Variants in PKHD1 observed in about 807,000 individuals in gnomAD.
The protein encoded by PKHD1 is fibrocystin.
A neutral mutation model predicts 412.0 loss-of-function variants in PKHD1; 291 were observed. The ratio of observed to expected loss-of-function variants is 0.71; its 90% CI spans 0.64 to 0.78. The LOEUF (loss-of-function observed/expected upper bound fraction) is 0.78, where lower values mean the gene tolerates loss of function less well. Among genes scored for constraint, PKHD1 ranks in the 30% least tolerant of loss-of-function variants. The pLI is 0.00. For missense variants in PKHD1, 4,825 were observed against 4,950.7 expected (o/e 0.97, Z 0.76); for synonymous variants, 1,777 against 1,821.5 (o/e 0.98, Z 0.62).
chr6:51,967,909 G>A (rs1188781533), intron 35 of PKHD1, among the ~76,000 whole-genome samples: 1 of 152,170 alleles, frequency 6.6e-6, no homozygotes, highest in Non-Finnish European at 1.5e-5. Context: ...GACCCATGAC[G>A]GCACTGCCTT....
intron 60 of PKHD1, chr6:51,721,264 T>C (rs1781893085): frequency 6.3e-6 from 6 of 948,640 alleles, no homozygotes; most frequent in Non-Finnish European, 7.5e-6. Flanking sequence ...CCAATATTCT[T>C]GGTAATAAAC....
At chr6:51,772,567 G>A (rs781230131) in intron 55 of PKHD1, 135 bp downstream of exon 55, 10 of 531,594 alleles carry the variant, frequency 1.9e-5, no homozygotes, top group Admixed American at 3.3e-5. Flanking sequence ...CCCTATAATC[G>A]CTTATTTTTC....
intron 43 of PKHD1, among the ~76,000 whole-genome samples, chr6:51,890,941 T>G (rs1408027469): frequency 2.6e-5 from 4 of 152,218 alleles, no homozygotes; most frequent in Non-Finnish European, 5.9e-5. Context: ...TGAGATTATC[T>G]GCAGTTGTCA....
At chr6:51,641,672 G>GA (rs1769371815) in intron 63 of PKHD1, among the ~76,000 whole-genome samples, 1 of 152,176 alleles carries the variant, frequency 6.6e-6, no homozygotes, top group Non-Finnish European at 1.5e-5. Flanking sequence ...ACTGGATAAA[G>GA]AAAATGTGGC....
At chr6:51,860,399 A>AT (rs1773996501) in intron 48 of PKHD1, among the ~76,000 whole-genome samples, 2 of 152,202 alleles carry the variant, frequency 1.3e-5, no homozygotes, top group Admixed American at 1.3e-4. Context: ...AGTCCAAAAA[A>AT]CACCATGAAG....
chr6:51,747,707 A>G, intron 58 of PKHD1, 80 bp downstream of exon 58: 1 of 1,265,796 alleles, frequency 7.9e-7, no homozygotes, highest in Non-Finnish European at 1.2e-6. Context: ...CTTTTTGTTG[A>G]TAAAATTTCA....
At chr6:51,936,795 TGTA>T (rs1168242640) in intron 36 of PKHD1, among the ~76,000 whole-genome samples, 1 of 14,340 alleles carries the variant, frequency 7.0e-5, no homozygotes, top group Non-Finnish European at 1.2e-4. Context: ...AAATAGACTC[TGTA>T]GCAATAAGAC....
At chr6:51,695,418 G>C (rs1020013474) in intron 60 of PKHD1, among the ~76,000 whole-genome samples, 1 of 152,100 alleles carries the variant, frequency 6.6e-6, no homozygotes, top group Admixed American at 6.6e-5. Context: ...CAGAGAAGAA[G>C]AAGAAAAATG....
chr6:51,643,556 G>A (rs953979143), intron 63 of PKHD1, among the ~76,000 whole-genome samples: 2 of 152,166 alleles, frequency 1.3e-5, no homozygotes, highest in Non-Finnish European at 2.9e-5. Flanking sequence ...TTTAAATTTG[G>A]ATTGTATAAA....
intron 64 of PKHD1, among the ~76,000 whole-genome samples, chr6:51,633,587 T>C (rs1442877183): frequency 2.6e-5 from 4 of 152,102 alleles, no homozygotes; most frequent in Admixed American, 1.3e-4. Context: ...TGATAACCTG[T>C]AACAACTAGA....
intron 61 of PKHD1, among the ~76,000 whole-genome samples, chr6:51,650,914 A>T (rs1273247727): frequency 6.6e-6 from 1 of 152,120 alleles, no homozygotes; most frequent in Non-Finnish European, 1.5e-5. Context: ...CATGCTATTA[A>T]TTCTATCCTT....
At chr6:51,852,098 C>G (rs1210520380) in intron 49 of PKHD1, among the ~76,000 whole-genome samples, 1 of 152,018 alleles carries the variant, frequency 6.6e-6, no homozygotes, top group Non-Finnish European at 1.5e-5. Context: ...GATTCTGATA[C>G]ATTTTCTCTT....
intron 35 of PKHD1, among the ~76,000 whole-genome samples, chr6:51,993,657 C>T (rs1486102661): frequency 1.2e-4 from 19 of 152,088 alleles, no homozygotes; most frequent in Non-Finnish European, 2.9e-5. Context: ...ATGACAAATC[C>T]ACCAGGGATC....
intron 60 of PKHD1, among the ~76,000 whole-genome samples, chr6:51,719,159 A>G (rs577754778): frequency 3.9e-5 from 6 of 152,250 alleles, no homozygotes; most frequent in African/African-American, 1.4e-4. Context: ...TAAAACAAGC[A>G]GTGTAGTATA....
intron 60 of PKHD1, among the ~76,000 whole-genome samples, chr6:51,664,022 G>C (rs1479373888): frequency 6.6e-6 from 1 of 152,072 alleles, no homozygotes; most frequent in East Asian, 1.9e-4. Flanking sequence ...CATTCCTTAT[G>C]ACAGGTAACT....
At chr6:51,873,022 T>A (rs986922748) in intron 46 of PKHD1, among the ~76,000 whole-genome samples, 1 of 151,770 alleles carries the variant, frequency 6.6e-6, no homozygotes, top group African/African-American at 2.4e-5. Flanking sequence ...TCCAGGATAA[T>A]GTTCAAGGGA....
intron 15 of PKHD1, 152 bp from the exon 16 acceptor site, chr6:52,058,753 A>G: frequency 1.4e-6 from 1 of 699,284 alleles, no homozygotes; most frequent in Non-Finnish European, 2.5e-6. Context: ...CCCTGTGGTT[A>G]TTTATGCTTC....
intron 15 of PKHD1, among the ~76,000 whole-genome samples, 170 bp from the exon 16 acceptor site, chr6:52,058,771 CTCTATCTATCTATCTATCTA>C (rs56342114): frequency 1.1e-4 from 16 of 149,190 alleles, no homozygotes; most frequent in South Asian, 4.3e-4. Flanking sequence ...TTCTCCAGCT[CTCTATCTATCTATCTATCTA>C]TCTATCTATC....
At chr6:51,811,180 A>G (rs1328357712) in intron 52 of PKHD1, among the ~76,000 whole-genome samples, 1 of 152,130 alleles carries the variant, frequency 6.6e-6, no homozygotes, top group Non-Finnish European at 1.5e-5. Flanking sequence ...TGTTCCTTGA[A>G]GGTATGTTTT....
Sources: gnomAD v4.1 joint callset for allele counts (sites outside exome capture counted in the v4.1 genomes callset) on GRCh38, gnomAD v4.1.1 for gene constraint, MANE v1.5 for transcripts, NCBI Gene and HGNC (gene_info 2026-07-23, HGNC 2026-07-21) for gene names.